Variants in NET1 observed in about 807,000 individuals in gnomAD.
NET1 encodes neuroepithelial cell-transforming gene 1 protein.
In NET1, 42 loss-of-function variants were observed where a neutral mutation model predicts 61.1. The observed-to-expected ratio is 0.69, with a 90% CI of 0.54 to 0.89. The LOEUF (loss-of-function observed/expected upper bound fraction) is 0.89. Among genes scored for constraint, NET1 ranks in the 40% least tolerant of loss-of-function variants. The probability of loss-of-function intolerance (pLI) is 0.00; values close to 1 mark genes in which losing one functional copy is unlikely to be tolerated. For missense variants in NET1, 654 were observed against 747.3 expected (o/e 0.88, Z 1.46); for synonymous variants, 254 against 281.8 (o/e 0.90, Z 0.99).
Position 5,451,695 on chromosome 10 carries a change from AC to A in NET1, c.256-134del. 1.7e-6 allele frequency: 1 copy of A among 577,578 alleles called. No individual in the cohort carries two copies. Among genetic ancestry groups the A allele is most frequent in the South Asian group, 3.3e-5 (1 of 30,106 alleles). 35.8% of individuals were successfully genotyped at this position (577,578 alleles called of 1,614,324 possible). On this transcript the variant is annotated intron_variant, in intron 3 of 11. Coordinates refer to ENST00000355029, the MANE Select transcript of NET1 (RefSeq NM_001047160.3). The surrounding 1 kb of genome is among the most constrained non-coding windows in gnomAD (Gnocchi z 6.1). ...GTTCTTATTGTTTTGACAATGAAGA[AC>A]AACTCTTACTTTCATGTTTCTGTAT...
In NET1 at chr10:5,451,665, A is replaced by G. The variant is rs1313559896; in HGVS notation, c.256-165A>G. Among the ~76,000 whole-genome samples, 2 of 152,210 alleles carry G rather than the reference A, an allele frequency of 1.3e-5. No homozygotes were observed. The highest frequency in any genetic ancestry group is 2.9e-5 in the Non-Finnish European group (2 of 68,034). Reference sequence around the variant, plus strand: ...TTTTTTGAAAAGTTACTGCTACTCAATAGAGTTCTTATTGTTTTGACAATG... The same window carrying G: ...TTTTTTGAAAAGTTACTGCTACTCAGTAGAGTTCTTATTGTTTTGACAATG... On this transcript the variant is annotated intron_variant, in intron 3 of 11. Coordinates refer to ENST00000355029, the MANE Select transcript of NET1 (RefSeq NM_001047160.3). The surrounding 1 kb of genome is among the most constrained non-coding windows in gnomAD (Gnocchi z 6.1).
Position 5,454,124 on chromosome 10 carries a change from A to T in NET1, c.769-141A>T. 3 of 880,142 alleles carry T rather than the reference A, an allele frequency of 3.4e-6. No homozygotes were observed. The highest frequency in any genetic ancestry group is 2.5e-5 in the East Asian group (1 of 40,728). The allele number at this position is 880,142 out of a possible 1,614,324, so 54.5% of individuals were successfully genotyped here. ...ATTGCTAAAATGCTATTCAGCTTCC[A>T]TTATTATCTGCCAGAAAATGTCCAC... On this transcript the variant is annotated intron_variant, in intron 8 of 11. Transcript: ENST00000355029. This position sits in a 1 kb window ranked among gnomAD's most constrained non-coding sequence, Gnocchi z 8.1.
rs1832100663 is a variant in NET1 at position 5,417,367 on chromosome 10, A to G, written c.128+4547A>G. Among the ~76,000 whole-genome samples, 1 of 151,944 alleles carries G rather than the reference A, an allele frequency of 6.6e-6. No homozygotes were observed. The highest frequency in any genetic ancestry group is 2.4e-5 in the African/African-American group (1 of 41,358). On this transcript the variant is annotated intron_variant, in intron 1 of 11. Coordinates refer to ENST00000355029, the MANE Select transcript of NET1 (RefSeq NM_001047160.3). The surrounding 1 kb of genome is among the most constrained non-coding windows in gnomAD (Gnocchi z 5.5). ...TAGGAAAACAGAAATGCCTATCCTCACTTAGGTCCGTGGGCCCAGGCCTGG... is the reference window on the plus strand; with the variant it reads ...TAGGAAAACAGAAATGCCTATCCTCGCTTAGGTCCGTGGGCCCAGGCCTGG...
chr10:5,424,661 GA>G lies in NET1; in HGVS notation c.129-1993del, dbSNP rs899441684. ...TCCATGAGTAGTCTTCCTGTGTTTTGATCTTCTCCAAATAATTATTTAGGAA... is the reference window on the plus strand; with the variant it reads ...TCCATGAGTAGTCTTCCTGTGTTTTGTCTTCTCCAAATAATTATTTAGGAA... On this transcript the variant is annotated intron_variant, in intron 1 of 11. Coordinates refer to ENST00000355029, the MANE Select transcript of NET1 (RefSeq NM_001047160.3). The surrounding 1 kb of genome is among the most constrained non-coding windows in gnomAD (Gnocchi z 6.1). 6.6e-6 allele frequency among the ~76,000 whole-genome samples: 1 copy of G among 152,092 alleles called. No homozygotes were observed. Among genetic ancestry groups the G allele is most frequent in the Non-Finnish European group, 1.5e-5 (1 of 68,000 alleles).
intron 1 of NET1, among the ~76,000 whole-genome samples, chr10:5,418,525 T>C (rs1588422632): frequency 6.6e-6 from 1 of 152,142 alleles, no homozygotes; most frequent in East Asian, 1.9e-4. Context: ...GTAATTTGTG[T>C]CTTCTTTCTT....
At position 5,454,383 on chromosome 10, in the gene NET1, C is replaced by T. The variant is rs911304753; in HGVS notation, c.887C>T (p.Ser296Phe). Residue 296 changes from serine to phenylalanine, a missense_variant, in exon 9 of 12, where the codon TCT becomes TTT. By Grantham distance (155) the Ser-to-Phe change is radical. Coordinates refer to ENST00000355029, the MANE Select transcript of NET1 (RefSeq NM_001047160.3). The surrounding 1 kb of genome is among the most constrained non-coding windows in gnomAD (Gnocchi z 8.1). ...GACTTCCTCCAGCGATGTCTCGAGT[C>T]TCCCTTCAGTCGAAAACTAGATCTT... ...VQDFLQRCLE[S>F]PFSRKLDLWS... 1 of 1,614,046 alleles carries T rather than the reference C, an allele frequency of 6.2e-7. No homozygotes were observed. The highest frequency in any genetic ancestry group is 1.3e-5 in the African/African-American group (1 of 74,932).
intron 3 of NET1, among the ~76,000 whole-genome samples, chr10:5,450,107 CAT>C (rs1832681497): frequency 2.6e-5 from 4 of 152,214 alleles, no homozygotes; most frequent in Non-Finnish European, 5.9e-5. Context: ...GGCATCCACA[CAT>C]GTCCTCAGAA....
In NET1 at chr10:5,449,081, G is replaced by A. The variant is rs1832664684; in HGVS notation, c.256-2749G>A. ...CCAATCTTTTAGGTGGCCTGTGAAT[G>A]CCTAAACCATGTCACTTTTCCACAG... On this transcript the variant is annotated intron_variant, in intron 3 of 11. Transcript: ENST00000355029. The surrounding 1 kb of genome is among the most constrained non-coding windows in gnomAD (Gnocchi z 4.4). Among the ~76,000 whole-genome samples the A allele has an allele frequency of 6.6e-6, 1 of 152,116 alleles. No homozygotes were observed. The highest frequency in any genetic ancestry group is 1.5e-5 in the Non-Finnish European group (1 of 68,008).
In NET1 at chr10:5,420,724, T is replaced by G. The variant is rs1832159883; in HGVS notation, c.129-5931T>G. Among the ~76,000 whole-genome samples the G allele has an allele frequency of 6.6e-6, 1 of 152,106 alleles. No individual in the cohort carries two copies. The highest frequency in any genetic ancestry group is 2.4e-5 in the African/African-American group (1 of 41,424). ...GATCCTCCTTCCTCAGCCTCCCGAG[T>G]AACTGGGATTACAGGCAAGCGCCAC... On this transcript the variant is annotated intron_variant, in intron 1 of 11. Transcript: ENST00000355029. This position sits in a 1 kb window ranked among gnomAD's most constrained non-coding sequence, Gnocchi z 5.3.
intron 2 of NET1, among the ~76,000 whole-genome samples, chr10:5,428,019 T>C (rs1287419897): frequency 1.3e-5 from 2 of 150,380 alleles, no homozygotes; most frequent in Non-Finnish European, 3.0e-5. Flanking sequence ...TCTCCACTTC[T>C]ATCTGGACTT....
rs1002147825 is a variant in NET1 at position 5,444,528 on chromosome 10, G to A, written c.256-7302G>A. On this transcript the variant is annotated intron_variant, in intron 3 of 11. Coordinates refer to ENST00000355029, the MANE Select transcript of NET1 (RefSeq NM_001047160.3). The surrounding 1 kb of genome is among the most constrained non-coding windows in gnomAD (Gnocchi z 5.3). The stretch of plus-strand genomic sequence containing the variant: ...CATTAAACTTGTAATCACTAAATCC[G>A]TGGCTTTTTTCATACCCTCCTTAAC... 6.6e-6 allele frequency among the ~76,000 whole-genome samples: 1 copy of A among 152,154 alleles called. No individual in the cohort carries two copies. The highest frequency in any genetic ancestry group is 1.9e-4 in the East Asian group (1 of 5,170).
rs1227891586 is a variant in NET1 at position 5,449,912 on chromosome 10, G to A, written c.256-1918G>A. On this transcript the variant is annotated intron_variant, in intron 3 of 11. Transcript: ENST00000355029. The surrounding 1 kb of genome is among the most constrained non-coding windows in gnomAD (Gnocchi z 4.4). ...GAGTTAACCTCTGTTCCCAAAAAGC[G>A]GAACAGAACTTTCTGACAACTGCTT... Among the ~76,000 whole-genome samples, 2 of 152,308 alleles carry A rather than the reference G, an allele frequency of 1.3e-5. No individual in the cohort carries two copies. Among genetic ancestry groups the A allele is most frequent in the East Asian group, 1.9e-4 (1 of 5,192 alleles).
At chr10:5,429,032 C>A in intron 2 of NET1, 138 bp from the exon 3 acceptor site, 4 of 561,608 alleles carry the variant, frequency 7.1e-6, no homozygotes, top group Non-Finnish European at 1.2e-5. Flanking sequence ...CCGCGCCTGG[C>A]CTCAAAGTAA....
At position 5,456,066 on chromosome 10, in the gene NET1, G is replaced by T. The variant is rs113756738; in HGVS notation, c.1198-21G>T. ...TAAAAACACAAGTTTCCTATTTAGC[G>T]TTTGTTTCCCATTTCTCCAGAAACT... On this transcript the variant is annotated intron_variant, in intron 10 of 11. Transcript: ENST00000355029. This position sits in a 1 kb window ranked among gnomAD's most constrained non-coding sequence, Gnocchi z 7.0. 1 of 1,595,476 alleles carries T rather than the reference G, an allele frequency of 6.3e-7. No homozygotes were observed. Among genetic ancestry groups the T allele is most frequent in the East Asian group, 2.2e-5 (1 of 44,508 alleles).
Position 5,446,586 on chromosome 10 carries a change from G to A in NET1, c.256-5244G>A, listed in dbSNP as rs1274288127. The stretch of plus-strand genomic sequence containing the variant: ...GGCCCCGCCCCCGAGCCCTGGGGTC[G>A]GTGCTTGCTGCCTGCGGCTCTCAGA... On this transcript the variant is annotated intron_variant, in intron 3 of 11. Transcript: ENST00000355029. This position sits in a 1 kb window ranked among gnomAD's most constrained non-coding sequence, Gnocchi z 5.0. The A allele has an allele frequency of 2.5e-6, 3 of 1,191,494 alleles. No homozygotes were observed. Among genetic ancestry groups the A allele is most frequent in the Non-Finnish European group, 3.1e-6 (3 of 961,302 alleles). 73.8% of individuals were successfully genotyped at this position (1,191,494 alleles called of 1,614,324 possible).
rs752533599 is a variant in NET1, at chr10:5,439,484, C to T, written c.255+10255C>T. Among the ~76,000 whole-genome samples, 30 of 152,200 alleles carry T rather than the reference C, an allele frequency of 2.0e-4. No homozygotes were observed. Among genetic ancestry groups the T allele is most frequent in the Non-Finnish European group, 1.0e-4 (7 of 68,028 alleles). Reference sequence around the variant, plus strand: ...TGATGCCCTTTGGTCTTCCTTAAGCCAATCACAAATGGACCATTTCCTTTG... The same window carrying T: ...TGATGCCCTTTGGTCTTCCTTAAGCTAATCACAAATGGACCATTTCCTTTG... On this transcript the variant is annotated intron_variant, in intron 3 of 11. Coordinates refer to ENST00000355029, the MANE Select transcript of NET1 (RefSeq NM_001047160.3). This position sits in a 1 kb window ranked among gnomAD's most constrained non-coding sequence, Gnocchi z 4.8.
chr10:5,450,986 A>G (rs1470480130), intron 3 of NET1, among the ~76,000 whole-genome samples: 1 of 152,220 alleles, frequency 6.6e-6, no homozygotes, highest in African/African-American at 2.4e-5. Context: ...GAGAGGATCT[A>G]ATTTATCTAT....
rs71294428 is a variant in NET1 at position 5,419,303 on chromosome 10, CTTGGTTGGTTGGTTGG to C, written c.128+6510_128+6525del. 7.7e-5 allele frequency among the ~76,000 whole-genome samples: 11 copies of C among 142,540 alleles called. No homozygotes were observed. In the South Asian group the frequency reaches 1.3e-3, roughly 17 times the overall value. The allele number at this position is 142,540 out of a possible 152,430, so 93.5% of individuals were successfully genotyped here. A position where few individuals can be genotyped will look rare whatever the true frequency, so the allele number is the denominator to read the frequency against. ...TCCTGTGGACAGCATATAGTTGGAT[CTTGGTTGGTTGGTTGG>C]TTGGTTGGTTGGTTGGTTGGTTGGT... On this transcript the variant is annotated intron_variant, in intron 1 of 11. Transcript: ENST00000355029.
Position 5,426,738 on chromosome 10 carries a change from G to C in NET1, c.195+17G>C. The C allele has an allele frequency of 6.4e-7, 1 of 1,572,364 alleles. No homozygotes were observed. The highest frequency in any genetic ancestry group is 8.6e-7 in the Non-Finnish European group (1 of 1,157,414). ...TTCACTTTGGTGAGTAGATACCTGG[G>C]TTTTTATTTCGAGACATTAGATAGA... On this transcript the variant is annotated intron_variant, in intron 2 of 11. Coordinates refer to ENST00000355029, the MANE Select transcript of NET1 (RefSeq NM_001047160.3). This position sits in a 1 kb window ranked among gnomAD's most constrained non-coding sequence, Gnocchi z 4.6.
Sources: gnomAD v4.1 joint callset for allele counts (sites outside exome capture counted in the v4.1 genomes callset) on GRCh38, gnomAD v4.1.1 for gene constraint, Gnocchi (gnomAD v3.1) non-coding constraint, MANE v1.5 for transcripts, NCBI Gene and HGNC (gene_info 2026-07-23, HGNC 2026-07-21) for gene names.